Variants in PECAM1 observed in about 807,000 individuals in gnomAD.
PECAM1 encodes platelet and endothelial cell adhesion molecule 1.
PECAM1 carries 8 observed loss-of-function variants against 13.8 expected under a neutral mutation model. That is an observed-to-expected ratio of 0.58 (90% CI 0.34 to 1.05). The LOEUF is 1.05. Ranked by LOEUF, PECAM1 falls within the 50% of genes least tolerant of loss-of-function variation. The pLI is 0.03. For missense variants in PECAM1, 304 were observed against 141.2 expected (o/e 2.15, Z -5.84); for synonymous variants, 136 against 52.6 (o/e 2.58, Z -6.86).
chr17:64,380,257 T>G (rs9912195), intron 2 of PECAM1, among the ~76,000 whole-genome samples: 81,001 of 151,514 alleles, frequency 0.53, 21,878 homozygotes, highest in African/African-American at 0.62. Flanking sequence ...GAGCCCGGGA[T>G]GCAGAGGTTG....
At chr17:64,347,832 G>A (rs923019198) in intron 13 of PECAM1, among the ~76,000 whole-genome samples, 6 of 150,010 alleles carry the variant, frequency 4.0e-5, no homozygotes, top group African/African-American at 1.5e-4. Context: ...CCGGGTTCAA[G>A]TGATTCTCCT....
chr17:64,328,707 G>A (rs959021929), intron 15 of PECAM1, among the ~76,000 whole-genome samples: 1 of 152,152 alleles, frequency 6.6e-6, no homozygotes, highest in African/African-American at 2.4e-5. Flanking sequence ...GGAAGCCAGG[G>A]GCCCACTGGA....
At chr17:64,377,077 C>T (rs2036375452) in intron 3 of PECAM1, among the ~76,000 whole-genome samples, 3 of 152,174 alleles carry the variant, frequency 2.0e-5, no homozygotes, top group Admixed American at 2.0e-4. Context: ...TCAATAATTG[C>T]CTGAAATGGG....
At chr17:64,328,940 A>G (rs1294815181) in intron 15 of PECAM1, among the ~76,000 whole-genome samples, 2 of 152,010 alleles carry the variant, frequency 1.3e-5, no homozygotes, top group Non-Finnish European at 2.9e-5. Context: ...TCCTAACTCC[A>G]TTTCCTACAG....
chr17:64,389,685 A>C (rs2036673521), intron 2 of PECAM1, among the ~76,000 whole-genome samples: 1 of 152,208 alleles, frequency 6.6e-6, no homozygotes, highest in African/African-American at 2.4e-5. Context: ...CAAAAAACTA[A>C]TTATGGAATT....
intron 2 of PECAM1, among the ~76,000 whole-genome samples, chr17:64,383,706 A>G (rs2036532494): frequency 6.6e-6 from 1 of 152,210 alleles, no homozygotes; most frequent in African/African-American, 2.4e-5. Context: ...TCCCTTTTTA[A>G]AAAACAATTT....
In PECAM1 at chr17:64,388,383, T is replaced by G. The variant is rs2036645756; in HGVS notation, c.91+2106A>C. Among the ~76,000 whole-genome samples the G allele has an allele frequency of 2.0e-5, 3 of 152,016 alleles. No homozygotes were observed. In the South Asian group the frequency reaches 6.2e-4, roughly 32 times the overall value. ...CAGTCGTAAAGGGGGGCTAGGACCG[T>G]GTAGTAAACACCATTGTCATTTATC... On this transcript the variant is annotated intron_variant, in intron 2 of 15. Transcript: ENST00000563924.
intron 14 of PECAM1, among the ~76,000 whole-genome samples, chr17:64,335,154 G>A (rs1382926423): frequency 2.6e-5 from 4 of 152,104 alleles, no homozygotes; most frequent in Admixed American, 6.6e-5. Context: ...AATAAAGCCC[G>A]AGGACCACTG....
intron 2 of PECAM1, among the ~76,000 whole-genome samples, chr17:64,387,163 G>A (rs2036612095): frequency 6.6e-6 from 1 of 152,102 alleles, no homozygotes. Flanking sequence ...AGGCTTTGGG[G>A]CACGATCAAA....
rs898619505 is a variant in PECAM1 at position 64,380,252 on chromosome 17, C to T, written c.92-2135G>A. ...CTGAGGCAGGAGAATCGCTTGAGCC[C>T]GGGATGCAGAGGTTGCAGTGAGCTG... On this transcript the variant is annotated intron_variant, in intron 2 of 15. Coordinates refer to ENST00000563924, the MANE Select transcript of PECAM1 (RefSeq NM_000442.5). Among the ~76,000 whole-genome samples the T allele has an allele frequency of 3.4e-3, 512 of 151,536 alleles. 3 individuals are homozygous for T. The highest frequency in any genetic ancestry group is 0.01 in the African/African-American group (421 of 41,280).
Position 64,322,138 on chromosome 17 carries a change from G to T in PECAM1, c.*1678C>A. On this transcript the variant is annotated 3_prime_UTR_variant, in exon 16 of 16. Coordinates refer to ENST00000563924, the MANE Select transcript of PECAM1 (RefSeq NM_000442.5). ...CAATCCCAACCCAAAGGCCTGTGGA[G>T]CACACATGAGGACAAGGCGGGCAGA... 1 of 1,001,156 alleles carries T rather than the reference G, an allele frequency of 1.0e-6. No individual in the cohort carries two copies. The highest frequency in any genetic ancestry group is 2.6e-5 in the South Asian group (1 of 38,520). The allele number at this position is 1,001,156 out of a possible 1,614,324, so 62.0% of individuals were successfully genotyped here.
intron 4 of PECAM1, among the ~76,000 whole-genome samples, chr17:64,374,708 C>T (rs1175168384): frequency 4.6e-5 from 7 of 151,418 alleles, no homozygotes; most frequent in African/African-American, 1.7e-4. Context: ...TGCTTGAACC[C>T]GGGAGGCAGA....
intron 13 of PECAM1, among the ~76,000 whole-genome samples, chr17:64,344,822 A>C (rs1280840036): frequency 4.6e-5 from 7 of 151,970 alleles, no homozygotes; most frequent in Admixed American, 6.6e-5. Context: ...TTGAATTCCC[A>C]AAAAGCTCTC....
At position 64,375,295 on chromosome 17, in the gene PECAM1, C is replaced by A; in HGVS notation, c.447G>T (p.Arg149Ser). 2.1e-6 allele frequency: 1 copy of A among 475,134 alleles called. No individual in the cohort carries two copies. The highest frequency in any genetic ancestry group is 3.9e-6 in the Non-Finnish European group (1 of 258,982). The allele number at this position is 475,134 out of a possible 1,614,324, so 29.4% of individuals were successfully genotyped here. ...KKEAIQGGIV[R>S]VNCSVPEEKA... ...TTTCCTCTGGGACAGAACAGTTGAC[C>A]CTCACGATCCCACCTTGGATGGCCT... Residue 149 changes from arginine (R) to serine (S), a missense_variant, in exon 4 of 16, where the codon AGG becomes AGT. By Grantham distance (110) the Arg-to-Ser change is moderately radical. Transcript: ENST00000563924.
At chr17:64,356,547 T>C in intron 7 of PECAM1, 149 bp from the exon 8 acceptor site, 1 of 380,802 alleles carries the variant, frequency 2.6e-6, no homozygotes, top group Middle Eastern at 6.4e-4. Context: ...TAATCTCAGC[T>C]TACTGCAACG....
At chr17:64,380,752 T>G (rs1205884966) in intron 2 of PECAM1, among the ~76,000 whole-genome samples, 1 of 152,112 alleles carries the variant, frequency 6.6e-6, no homozygotes, top group African/African-American at 2.4e-5. Flanking sequence ...AGCTCACACC[T>G]GTAATCCCAG....
At chr17:64,356,474 C>CA in intron 7 of PECAM1, 76 bp from the exon 8 acceptor site, 1 of 346,490 alleles carries the variant, frequency 2.9e-6, no homozygotes, top group East Asian at 4.4e-5. Context: ...CACTGCTCAA[C>CA]TTTTTTTTTT....
At position 64,331,935 on chromosome 17, in the gene PECAM1, C is replaced by T. The variant is rs34168052; in HGVS notation, c.2165-2213G>A. 3.0e-3 allele frequency among the ~76,000 whole-genome samples: 456 copies of T among 152,348 alleles called. 1 individual carries two copies. The highest frequency in any genetic ancestry group is 4.6e-3 in the Non-Finnish European group (313 of 68,038). On this transcript the variant is annotated intron_variant, in intron 14 of 15. Coordinates refer to ENST00000563924, the MANE Select transcript of PECAM1 (RefSeq NM_000442.5). Reference sequence around the variant, plus strand: ...GTCCTCAGTCTTATCGAGAAAAGTACGCCAAGGGGCCTCAGTATAGACCCA... The same window carrying T: ...GTCCTCAGTCTTATCGAGAAAAGTATGCCAAGGGGCCTCAGTATAGACCCA...
rs199815194 is a variant in PECAM1 at position 64,321,900 on chromosome 17, G to C, written c.*1916C>G. 364 of 1,345,726 alleles carry C rather than the reference G, an allele frequency of 2.7e-4. 1 individual carries two copies. The highest frequency in any genetic ancestry group is 3.4e-4 in the Non-Finnish European group (343 of 1,016,554). The allele number at this position is 1,345,726 out of a possible 1,614,324, so 83.4% of individuals were successfully genotyped here. A position where few individuals can be genotyped will look rare whatever the true frequency, so the allele number is the denominator to read the frequency against. ...GACTAAGGAACTCCCTGGACACAGG[G>C]GATCTGGCTGTCCCCAGATCATCAA... On this transcript the variant is annotated 3_prime_UTR_variant, in exon 16 of 16. Coordinates refer to ENST00000563924, the MANE Select transcript of PECAM1 (RefSeq NM_000442.5).
Sources: allele counts gnomAD v4.1 joint callset (sites outside exome capture counted in the v4.1 genomes callset), GRCh38; gene constraint gnomAD v4.1.1; transcripts MANE v1.5; gene names NCBI Gene and HGNC (gene_info 2026-07-23, HGNC 2026-07-21).